Variants in RORA observed in about 807,000 individuals in gnomAD.
RORA encodes the protein nuclear receptor ROR-alpha.
RORA carries 7 observed loss-of-function variants against 69.5 expected under a neutral mutation model. That is an observed-to-expected ratio of 0.10 (90% CI 0.06 to 0.19). RORA has a LOEUF of 0.19. RORA is among the 10% of genes least tolerant of loss of function. The probability of loss-of-function intolerance (pLI) is 1.00; values close to 1 mark genes in which losing one functional copy is unlikely to be tolerated. For synonymous variants in RORA, 261 were observed against 240.8 expected (o/e 1.08, Z -0.78); for missense variants, 457 against 663.0 (o/e 0.69, Z 3.41).
intron 1 of RORA, among the ~76,000 whole-genome samples, chr15:60,740,107 A>C (rs78201057): frequency 0.026 from 3,957 of 151,322 alleles, 188 homozygotes; most frequent in African/African-American, 0.092. Context: ...TGAGATTATC[A>C]CTCCCTTTTT....
intron 2 of RORA, 156 bp downstream of exon 2, chr15:60,678,501 C>T (rs1204549775): frequency 1.2e-5 from 8 of 641,784 alleles, no homozygotes; most frequent in Non-Finnish European, 2.0e-5. Context: ...TGGAGATGTG[C>T]CACTTCCGAC....
intron 1 of RORA, among the ~76,000 whole-genome samples, chr15:60,965,839 T>TA (rs1893540958): frequency 6.6e-6 from 1 of 152,148 alleles, no homozygotes; most frequent in African/African-American, 2.4e-5. Flanking sequence ...GTCTCACACT[T>TA]ATGACCCTAC....
At chr15:60,663,157 T>C (rs1274844722) in intron 2 of RORA, among the ~76,000 whole-genome samples, 1 of 152,216 alleles carries the variant, frequency 6.6e-6, no homozygotes, top group African/African-American at 2.4e-5. Flanking sequence ...TCACTCTCTA[T>C]AGGCATTGTC....
chr15:60,613,252 T>C lies in RORA; in HGVS notation c.196+65405A>G, dbSNP rs138280500. On this transcript the variant is annotated intron_variant, in intron 2 of 10. Coordinates refer to ENST00000335670, the MANE Select transcript of RORA (RefSeq NM_134261.3). ...AATTTACATTTGTTTCGTATCTCTGTGTGCCTGTAATATACAGGGGCGTCA... is the reference window on the plus strand; with the variant it reads ...AATTTACATTTGTTTCGTATCTCTGCGTGCCTGTAATATACAGGGGCGTCA... 1.2e-4 allele frequency among the ~76,000 whole-genome samples: 18 copies of C among 152,340 alleles called. No homozygotes were observed. In the East Asian group the frequency reaches 3.5e-3, roughly 29 times the overall value.
intron 1 of RORA, among the ~76,000 whole-genome samples, chr15:60,697,398 A>G (rs2070920791): frequency 6.6e-6 from 1 of 152,178 alleles, no homozygotes; most frequent in South Asian, 2.1e-4. Flanking sequence ...GCTCAAGTGA[A>G]GCCTCCCTTC....
At chr15:61,146,613 T>C (rs1490126486) in intron 1 of RORA, among the ~76,000 whole-genome samples, 1 of 152,174 alleles carries the variant, frequency 6.6e-6, no homozygotes. Flanking sequence ...GCTTCCTTAT[T>C]TAATAAACAT....
intron 2 of RORA, among the ~76,000 whole-genome samples, chr15:60,648,333 C>G (rs1008167651): frequency 6.6e-6 from 1 of 152,182 alleles, no homozygotes; most frequent in South Asian, 2.1e-4. Flanking sequence ...TACCATTTCT[C>G]AACTTCATTT....
intron 1 of RORA, chr15:61,039,132 G>T (rs1349825600): frequency 1.3e-5 from 2 of 152,142 alleles, no homozygotes; most frequent in African/African-American, 4.8e-5. Context: ...TGGTTTCTAA[G>T]GAGGAACAAA....
intron 1 of RORA, among the ~76,000 whole-genome samples, chr15:60,800,725 AG>A (rs2072567767): frequency 6.6e-6 from 1 of 152,042 alleles, no homozygotes; most frequent in Non-Finnish European, 1.5e-5. Context: ...TCTACCTCCC[AG>A]CCCCCCAAAC....
intron 2 of RORA, among the ~76,000 whole-genome samples, chr15:60,675,679 C>G (rs1816160): frequency 0.81 from 123,095 of 152,162 alleles, 50,131 homozygotes; most frequent in Admixed American, 0.86. Flanking sequence ...GGAATTTCTG[C>G]CTCAAGTCAC....
chr15:60,612,659 CTGTTTTTTTTTT>C (rs1363951252), intron 2 of RORA, among the ~76,000 whole-genome samples: 1 of 117,328 alleles, frequency 8.5e-6, no homozygotes. Context: ...CTCTCTCTCT[CTGTTTTTTTTTT>C]TTTTTTTTTT....
At chr15:60,969,846 T>G (rs1893661945) in intron 1 of RORA, among the ~76,000 whole-genome samples, 1 of 152,184 alleles carries the variant, frequency 6.6e-6, no homozygotes, top group South Asian at 2.1e-4. Flanking sequence ...CTTCCAAATT[T>G]ATATTTGGAA....
At chr15:60,954,458 C>G (rs893677640) in intron 1 of RORA, among the ~76,000 whole-genome samples, 1 of 147,690 alleles carries the variant, frequency 6.8e-6, no homozygotes, top group Non-Finnish European at 1.5e-5. Flanking sequence ...AAAAAAAGAA[C>G]TTCCCATAAA....
At chr15:60,768,046 CT>C (rs1378045028) in intron 1 of RORA, among the ~76,000 whole-genome samples, 1 of 152,224 alleles carries the variant, frequency 6.6e-6, no homozygotes, top group Non-Finnish European at 1.5e-5. Context: ...GAATCACACA[CT>C]TATCAAGGGC....
rs185779183 is a variant in RORA at position 60,620,877 on chromosome 15, C to A, written c.196+57780G>T. ...CCGCCTCCCACTAGCAGCTCAGAGC[C>A]GGCACGGAAAGTTACTGCATGTGAA... On this transcript the variant is annotated intron_variant, in intron 2 of 10. Coordinates refer to ENST00000335670, the MANE Select transcript of RORA (RefSeq NM_134261.3). Among the ~76,000 whole-genome samples the A allele has an allele frequency of 2.2e-3, 333 of 152,342 alleles. 1 individual carries two copies. The highest frequency in any genetic ancestry group is 7.7e-3 in the African/African-American group (320 of 41,566).
chr15:61,132,542 T>C (rs909620507), intron 1 of RORA, among the ~76,000 whole-genome samples: 4 of 152,152 alleles, frequency 2.6e-5, no homozygotes, highest in South Asian at 2.1e-4. Flanking sequence ...ATAAGTAAGG[T>C]CAAAAGATAA....
chr15:60,840,965 C>T (rs1008193074), intron 1 of RORA: 22 of 341,912 alleles, frequency 6.4e-5, no homozygotes, highest in Non-Finnish European at 7.9e-5. Flanking sequence ...TCACACCACA[C>T]GGGGAGGGAG....
chr15:60,678,174 C>A lies in RORA; in HGVS notation c.196+483G>T, dbSNP rs189643885. On this transcript the variant is annotated intron_variant, in intron 2 of 10. Coordinates refer to ENST00000335670, the MANE Select transcript of RORA (RefSeq NM_134261.3). ...CCGATGCCATTTATCAGGGCCCTCG[C>A]AGGCCATGCCCGTGGTCGAGCGACA... 436 of 153,092 alleles carry A rather than the reference C, an allele frequency of 2.8e-3. 2 individuals are homozygous for A. Among genetic ancestry groups the A allele is most frequent in the Non-Finnish European group, 4.9e-3 (335 of 68,578 alleles). 9.5% of individuals were successfully genotyped at this position (153,092 alleles called of 1,614,324 possible). A position where few individuals can be genotyped will look rare whatever the true frequency, so the allele number is the denominator to read the frequency against.
intron 3 of RORA, among the ~76,000 whole-genome samples, chr15:60,517,294 TCTCA>T (rs889250415): frequency 2.0e-5 from 3 of 151,888 alleles, no homozygotes; most frequent in Admixed American, 6.6e-5. Flanking sequence ...GACCCTGACT[TCTCA>T]CTCCTCTTGC....
Sources: allele counts gnomAD v4.1 joint callset (sites outside exome capture counted in the v4.1 genomes callset), GRCh38; gene constraint gnomAD v4.1.1; transcripts MANE v1.5; gene names NCBI Gene and HGNC (gene_info 2026-07-23, HGNC 2026-07-21).